CPNE4: variants seen among roughly 807,000 people sequenced by gnomAD.
CPNE4 encodes the protein copine 4.
CPNE4 carries 25 observed loss-of-function variants against 67.9 expected under a neutral mutation model. That is an observed-to-expected ratio of 0.37 (90% CI 0.27 to 0.51). The LOEUF is 0.51. Among genes scored for constraint, CPNE4 ranks in the 20% least tolerant of loss-of-function variants. The pLI, the probability that CPNE4 is intolerant of heterozygous loss-of-function variation, is 0.93. For missense variants in CPNE4, 464 were observed against 690.8 expected (o/e 0.67, Z 3.68); for synonymous variants, 242 against 244.9 (o/e 0.99, Z 0.11).
intron 7 of CPNE4, among the ~76,000 whole-genome samples, chr3:131,659,100 A>C (rs988383937): frequency 3.3e-5 from 5 of 152,232 alleles, no homozygotes; most frequent in Non-Finnish European, 7.3e-5. Flanking sequence ...TGAACAAAGT[A>C]GTGGAATAAA....
At chr3:131,735,833 C>G (rs900645124) in intron 2 of CPNE4, among the ~76,000 whole-genome samples, 2 of 152,208 alleles carry the variant, frequency 1.3e-5, no homozygotes, top group Non-Finnish European at 2.9e-5. Context: ...CCTATGAATG[C>G]ATTTGGTATT....
chr3:131,956,378 G>T (rs1040702356), intron 1 of CPNE4, among the ~76,000 whole-genome samples: 1 of 152,006 alleles, frequency 6.6e-6, no homozygotes, highest in African/African-American at 2.4e-5. Flanking sequence ...GCATATTTGT[G>T]ACTACCAAGT....
chr3:131,581,969 T>C (rs139313109), intron 8 of CPNE4, among the ~76,000 whole-genome samples: 30 of 152,304 alleles, frequency 2.0e-4, no homozygotes, highest in African/African-American at 7.2e-4. Flanking sequence ...TTATACTCTA[T>C]CTCATAGGAT....
intron 1 of CPNE4, among the ~76,000 whole-genome samples, chr3:132,019,915 G>A (rs1479515106): frequency 6.6e-6 from 1 of 152,166 alleles, no homozygotes; most frequent in South Asian, 2.1e-4. Flanking sequence ...CCTACAGCCT[G>A]TGTCTGCTGG....
intron 7 of CPNE4, among the ~76,000 whole-genome samples, chr3:131,615,492 T>C (rs1940082545): frequency 6.6e-6 from 1 of 152,186 alleles, no homozygotes; most frequent in African/African-American, 2.4e-5. Flanking sequence ...AATTGTATTT[T>C]AACACATTAG....
chr3:131,702,872 CA>C (rs2081335223), intron 3 of CPNE4, among the ~76,000 whole-genome samples: 1 of 152,214 alleles, frequency 6.6e-6, no homozygotes, highest in African/African-American at 2.4e-5. Flanking sequence ...GGAAGATAAG[CA>C]ATTTCCCAGG....
At chr3:131,570,323 A>ATT (rs1447214478) in intron 10 of CPNE4, among the ~76,000 whole-genome samples, 62 of 144,798 alleles carry the variant, frequency 4.3e-4, no homozygotes, top group African/African-American at 1.7e-3. Flanking sequence ...TTATTTATTT[A>ATT]TTTATTTATT....
chr3:131,784,530 G>A (rs76864931), intron 2 of CPNE4, among the ~76,000 whole-genome samples: 9,652 of 152,082 alleles, frequency 0.063, 433 homozygotes, highest in Middle Eastern at 0.11. Context: ...TTATCACATT[G>A]AGGGGTAACC....
At chr3:131,688,751 T>A (rs2080957423) in intron 5 of CPNE4, among the ~76,000 whole-genome samples, 1 of 152,042 alleles carries the variant, frequency 6.6e-6, no homozygotes, top group African/African-American at 2.4e-5. Flanking sequence ...AGAAAACAGA[T>A]GACAAAAATA....
At chr3:131,943,031 T>C (rs1271082551) in intron 1 of CPNE4, among the ~76,000 whole-genome samples, 1 of 152,160 alleles carries the variant, frequency 6.6e-6, no homozygotes, top group East Asian at 1.9e-4. Context: ...CTGAAACCCC[T>C]GGTGTTAGAT....
At position 131,959,238 on chromosome 3, in the gene CPNE4, G is replaced by A. The variant is rs1257866980; in HGVS notation, c.-1-53794C>T. Among the ~76,000 whole-genome samples the A allele has an allele frequency of 4.1e-5, 2 of 49,178 alleles. 1 individual carries two copies. The highest frequency in any genetic ancestry group is 1.7e-4 in the African/African-American group (2 of 11,770). The allele number at this position is 49,178 out of a possible 152,430, so 32.3% of individuals were successfully genotyped here. On this transcript the variant is annotated intron_variant, in intron 1 of 15. Coordinates refer to ENST00000429747, the MANE Select transcript of CPNE4 (RefSeq NM_130808.3). ...GATGGTCTCGATCTCCTGACCTCGTGATCCGCCCGCCTCGGCCTCCCAAAG... is the reference window on the plus strand; with the variant it reads ...GATGGTCTCGATCTCCTGACCTCGTAATCCGCCCGCCTCGGCCTCCCAAAG...
At chr3:131,918,679 C>G (rs1172183560) in intron 1 of CPNE4, among the ~76,000 whole-genome samples, 1 of 152,098 alleles carries the variant, frequency 6.6e-6, no homozygotes, top group Non-Finnish European at 1.5e-5. Flanking sequence ...AATAGATAAT[C>G]TTAAAAGGAA....
At chr3:131,659,400 A>C (rs938219110) in intron 7 of CPNE4, among the ~76,000 whole-genome samples, 1 of 152,168 alleles carries the variant, frequency 6.6e-6, no homozygotes. Context: ...AGATGGATTA[A>C]ATAATGTGAG....
intron 3 of CPNE4, among the ~76,000 whole-genome samples, chr3:131,712,001 T>C (rs372351987): frequency 1.3e-5 from 2 of 152,198 alleles, no homozygotes; most frequent in East Asian, 3.8e-4. Context: ...TGCAAATTGA[T>C]CTTTCAAAAA....
intron 6 of CPNE4, among the ~76,000 whole-genome samples, chr3:131,678,593 A>G: frequency 6.6e-6 from 1 of 152,072 alleles, no homozygotes; most frequent in South Asian, 2.1e-4. Flanking sequence ...GGCTCTTATT[A>G]TTTTGAGGTA....
intron 3 of CPNE4, among the ~76,000 whole-genome samples, chr3:131,702,674 C>T (rs1318540426): frequency 6.6e-6 from 1 of 152,210 alleles, no homozygotes; most frequent in African/African-American, 2.4e-5. Context: ...GACCATTTTA[C>T]AGACAGTGTC....
intron 4 of CPNE4, 55 bp from the exon 5 acceptor site, chr3:131,696,671 A>AC (rs947110865): frequency 2.0e-6 from 3 of 1,507,582 alleles, no homozygotes; most frequent in Non-Finnish European, 2.8e-6. Flanking sequence ...TTAGCTCCAG[A>AC]ACCCATGAGC....
At chr3:131,627,045 T>A (rs772358418) in intron 7 of CPNE4, among the ~76,000 whole-genome samples, 4 of 151,642 alleles carry the variant, frequency 2.6e-5, no homozygotes, top group Non-Finnish European at 5.9e-5. Flanking sequence ...ACACAAAAAT[T>A]AGCCAGGTGC....
chr3:131,669,156 C>A (rs2080337425), intron 7 of CPNE4, among the ~76,000 whole-genome samples: 1 of 152,070 alleles, frequency 6.6e-6, no homozygotes, highest in African/African-American at 2.4e-5. Flanking sequence ...CATTCCAGAC[C>A]ACAGCCAGCC....
Sources: allele counts gnomAD v4.1 joint callset (sites outside exome capture counted in the v4.1 genomes callset), GRCh38; gene constraint gnomAD v4.1.1; transcripts MANE v1.5; gene names NCBI Gene and HGNC (gene_info 2026-07-23, HGNC 2026-07-21).